Variants in SBNO1 observed in about 807,000 individuals in gnomAD.
SBNO1 encodes the protein protein strawberry notch homolog 1.
In SBNO1, 23 loss-of-function variants were observed where a neutral mutation model predicts 173.6. That is an observed-to-expected ratio of 0.13 (90% CI 0.10 to 0.19). The LOEUF (loss-of-function observed/expected upper bound fraction) is 0.19, where lower values mean the gene tolerates loss of function less well. Among genes scored for constraint, SBNO1 ranks in the 10% least tolerant of loss-of-function variants. The pLI is 1.00. For synonymous variants in SBNO1, 632 were observed against 571.5 expected, an observed-to-expected ratio of 1.11 and a Z score of -1.51; for missense variants, 1,238 against 1,671.2, an observed-to-expected ratio of 0.74 and a Z score of 4.52.
Position 123,334,039 on chromosome 12 carries a change from ATAT to A in SBNO1, c.909+11_909+13del. The A allele has an allele frequency of 1.3e-6, 2 of 1,520,294 alleles. No individual in the cohort carries two copies. The highest frequency in any genetic ancestry group is 1.3e-5 in the South Asian group (1 of 76,592). 94.2% of individuals were successfully genotyped at this position (1,520,294 alleles called of 1,614,324 possible). A position where few individuals can be genotyped will look rare whatever the true frequency, so the allele number is the denominator to read the frequency against. Reference sequence around the variant, plus strand: ...GATAAAATAATTATTGTATTATGAAATATTATTGCTTACCTGGGCTGCATATGT... The same window carrying A: ...GATAAAATAATTATTGTATTATGAAATATTGCTTACCTGGGCTGCATATGT... On this transcript the variant is annotated intron_variant, in intron 7 of 31. Coordinates refer to ENST00000602398, the MANE Select transcript of SBNO1 (RefSeq NM_001167856.3).
rs1566039037 is a variant in SBNO1, at chr12:123,328,750, T to C, written c.1280A>G (p.Asp427Gly). 6.3e-7 allele frequency: 1 copy of C among 1,580,044 alleles called. No homozygotes were observed. The highest frequency in any genetic ancestry group is 2.3e-5 in the East Asian group (1 of 44,340). Residue 427 changes from aspartate (D) to glycine (G), a missense_variant, in exon 10 of 32, where the codon GAT becomes GGT. This residue lies in a region of SBNO1 where 182 missense variants were observed against 339.9 expected (regional missense o/e 0.54). Transcript: ENST00000602398. ...AAAGGATACCACTCCATCGAAGTCA[T>C]CACCGCACCAATGCAGAAGTTGTTT... is the stretch of plus-strand genomic sequence containing the variant. ...RLKQLLHWCG[D>G]DFDGVIVFDE...
In SBNO1 at chr12:123,292,063, T is replaced by C. The variant is rs1170446240; in HGVS notation, c.*3845A>G. The C allele has an allele frequency of 1.3e-5, 2 of 149,908 alleles. No individual in the cohort carries two copies. The highest frequency in any genetic ancestry group is 1.4e-4 in the Admixed American group (2 of 14,806). The allele number at this position is 149,908 out of a possible 1,614,324, so 9.3% of individuals were successfully genotyped here. A position where few individuals can be genotyped will look rare whatever the true frequency, so the allele number is the denominator to read the frequency against. On this transcript the variant is annotated 3_prime_UTR_variant, in exon 32 of 32. Coordinates refer to ENST00000602398, the MANE Select transcript of SBNO1 (RefSeq NM_001167856.3). Reference sequence around the variant, plus strand: ...CAGTTTTTGCTCTCAGCTGTAGCCCTGACATGAAACGCTTGCTACGTTTCT... The same window carrying C: ...CAGTTTTTGCTCTCAGCTGTAGCCCCGACATGAAACGCTTGCTACGTTTCT...
intron 21 of SBNO1, among the ~76,000 whole-genome samples, chr12:123,316,240 T>A (rs1227238498): frequency 6.6e-6 from 1 of 152,212 alleles, no homozygotes; most frequent in Non-Finnish European, 1.5e-5. Context: ...ATTTTTTTGT[T>A]GTTGTTAGAG....
intron 5 of SBNO1, among the ~76,000 whole-genome samples, chr12:123,338,912 GCCC>G (rs796814343): frequency 1.4e-4 from 1 of 7,106 alleles, no homozygotes; most frequent in African/African-American, 4.1e-4. Context: ...ACACACACAC[GCCC>G]CCCCCCCCCT....
Position 123,336,421 on chromosome 12 carries a change from G to A in SBNO1, c.722C>T (p.Thr241Ile), listed in dbSNP as rs1871851374. 6.2e-7 allele frequency: 1 copy of A among 1,609,428 alleles called. No homozygotes were observed. Among genetic ancestry groups the A allele is most frequent in the South Asian group, 1.1e-5 (1 of 90,690 alleles). ...EDEEEMGHAE[T>I]YAEYMPIKLK... ...TTTTATTGGCATGTATTCTGCATAGGTTTCTGCATGACCCATTTCTTCTTC... is the reference window on the plus strand; with the variant it reads ...TTTTATTGGCATGTATTCTGCATAGATTTCTGCATGACCCATTTCTTCTTC... Residue 241 changes from threonine (T) to isoleucine (I), a missense_variant, in exon 6 of 32, where the codon ACC becomes ATC. Physicochemically the swap from Thr to Ile is moderately conservative, Grantham distance 89 (BLOSUM62 -1). This residue lies in a region of SBNO1 where 78 missense variants were observed against 103.3 expected (regional missense o/e 0.76). Coordinates refer to ENST00000602398, the MANE Select transcript of SBNO1 (RefSeq NM_001167856.3).
intron 19 of SBNO1, 129 bp from the exon 20 acceptor site, chr12:123,320,160 A>G (rs939656959): frequency 9.4e-7 from 1 of 1,061,802 alleles, no homozygotes; most frequent in Non-Finnish European, 1.4e-6. Flanking sequence ...TGAAGGATAC[A>G]GAACACTGCA....
rs116499933 is a variant in SBNO1 at position 123,345,430 on chromosome 12, A to C, written c.378T>G (p.Thr126=). The change falls in exon 4 of 32, where the codon ACT becomes ACG. Residue 126 remains threonine (T), a synonymous_variant. Transcript: ENST00000602398. ...QTITLTKFIQ[T]TASTRPSVSA... ...AGACTGACGGGCGTGTGCTTGCAGT[A>C]GTCTGGATAAACTTAGTTAAAGTGA... The C allele has an allele frequency of 8.7e-6, 14 of 1,614,082 alleles. No homozygotes were observed. The East Asian group carries it at 2.7e-4, about 31-fold the overall frequency.
At chr12:123,363,389 G>C (rs1326886727) in intron 1 of SBNO1, among the ~76,000 whole-genome samples, 2 of 152,228 alleles carry the variant, frequency 1.3e-5, no homozygotes, top group Middle Eastern at 6.8e-3. Context: ...TGTACTGTCA[G>C]CTCGCAGAAT....
At chr12:123,363,673 G>T (rs1461462723) in intron 1 of SBNO1, among the ~76,000 whole-genome samples, 1 of 152,098 alleles carries the variant, frequency 6.6e-6, no homozygotes, top group Non-Finnish European at 1.5e-5. Context: ...TGCTTTATTT[G>T]TCTCTCATTT....
chr12:123,314,672 C>T (rs1477105984), intron 23 of SBNO1, among the ~76,000 whole-genome samples: 1 of 149,602 alleles, frequency 6.7e-6, no homozygotes, highest in East Asian at 2.0e-4. Flanking sequence ...GAGTCTTGCC[C>T]TATTGCCCAG....
chr12:123,329,382 T>C (rs1220442652), intron 9 of SBNO1, among the ~76,000 whole-genome samples: 1 of 151,594 alleles, frequency 6.6e-6, no homozygotes, highest in African/African-American at 2.4e-5. Context: ...ATCTTTTTTT[T>C]TTTTTTTTAA....
intron 30 of SBNO1, among the ~76,000 whole-genome samples, chr12:123,299,210 T>C (rs1007083082): frequency 6.6e-6 from 1 of 151,644 alleles, no homozygotes; most frequent in South Asian, 2.1e-4. Flanking sequence ...CTATTAAAAA[T>C]ACAAAAAATT....
chr12:123,346,784 AT>A (rs939963412), intron 3 of SBNO1, among the ~76,000 whole-genome samples: 2 of 151,624 alleles, frequency 1.3e-5, no homozygotes, highest in Admixed American at 1.3e-4. Context: ...GTTTTTAAAA[AT>A]ATCTTTGTGG....
chr12:123,350,228 T>C, intron 2 of SBNO1, 82 bp downstream of exon 2: 1 of 1,521,618 alleles, frequency 6.6e-7, no homozygotes, highest in Non-Finnish European at 9.0e-7. Flanking sequence ...CACCCCAGCC[T>C]GGGCCACAGA....
At position 123,315,365 on chromosome 12, in the gene SBNO1, A is replaced by C. The variant is rs1476831002; in HGVS notation, c.3120+8T>G. Reference sequence around the variant, plus strand: ...AAGTTTTCAGAGATACTGAAAATTGAAATGTACCTTATTATCAAAGTTGAA... The same window carrying C: ...AAGTTTTCAGAGATACTGAAAATTGCAATGTACCTTATTATCAAAGTTGAA... On this transcript the variant is annotated splice_region_variant and intron_variant, in intron 23 of 31. Coordinates refer to ENST00000602398, the MANE Select transcript of SBNO1 (RefSeq NM_001167856.3). The C allele has an allele frequency of 6.2e-7, 1 of 1,601,416 alleles. No individual in the cohort carries two copies. Among genetic ancestry groups the C allele is most frequent in the African/African-American group, 1.3e-5 (1 of 74,866 alleles).
At chr12:123,364,242 C>A in intron 1 of SBNO1, 11 of 985,640 alleles carry the variant, frequency 1.1e-5, no homozygotes, top group Non-Finnish European at 8.4e-6. Context: ...TCGCCCAGAG[C>A]CGGGAGCAAT....
chr12:123,297,400 CAAAAAA>C lies in SBNO1; in HGVS notation c.4039+572_4039+577del, dbSNP rs59447456. ...TACAACATCCCAAAATACTGGTGTC[CAAAAAA>C]AAAAAAAAAAAAAAAATTCCATAGA... On this transcript the variant is annotated intron_variant, in intron 31 of 31. Coordinates refer to ENST00000602398, the MANE Select transcript of SBNO1 (RefSeq NM_001167856.3). Among the ~76,000 whole-genome samples, 222 of 31,524 alleles carry C rather than the reference CAAAAAA, an allele frequency of 7.0e-3. 14 individuals carry two copies. The highest frequency in any genetic ancestry group is 0.02 in the African/African-American group (192 of 9,496). 20.7% of individuals were successfully genotyped at this position (31,524 alleles called of 152,430 possible).
At chr12:123,364,604 C>T in intron 1 of SBNO1, 97 bp downstream of exon 1, 6 of 976,516 alleles carry the variant, frequency 6.1e-6, no homozygotes, top group Non-Finnish European at 6.0e-6. Context: ...GTGGCTGTCC[C>T]CCCAGCCTGG....
rs934894300 is a variant in SBNO1, at chr12:123,298,227, T to A, written c.3846-56A>T. 19 of 1,475,624 alleles carry A rather than the reference T, an allele frequency of 1.3e-5. No homozygotes were observed. The Admixed American group carries it at 2.5e-4, about 19-fold the overall frequency. The allele number at this position is 1,475,624 out of a possible 1,614,324, so 91.4% of individuals were successfully genotyped here. A position where few individuals can be genotyped will look rare whatever the true frequency, so the allele number is the denominator to read the frequency against. Reference sequence around the variant, plus strand: ...GTGTCTATATATGCACACAGACACGTTTCTAAAAGATTTACAAGGTCAACT... The same window carrying A: ...GTGTCTATATATGCACACAGACACGATTCTAAAAGATTTACAAGGTCAACT... On this transcript the variant is annotated intron_variant, in intron 30 of 31. Transcript: ENST00000602398.
Sources: allele counts gnomAD v4.1 joint callset (sites outside exome capture counted in the v4.1 genomes callset), GRCh38; gene constraint gnomAD v4.1.1; regional missense constraint gnomAD v4.1.1; transcripts MANE v1.5; gene names NCBI Gene and HGNC (gene_info 2026-07-23, HGNC 2026-07-21).